Variants in SUZ12 observed in about 807,000 individuals in gnomAD.
SUZ12 encodes SUZ12 polycomb repressive complex 2 subunit, also known as polycomb protein SUZ12.
In SUZ12, 17 loss-of-function variants were observed where a neutral mutation model predicts 87.3. The ratio of observed to expected loss-of-function variants is 0.19; its 90% CI spans 0.13 to 0.29. SUZ12 has a LOEUF of 0.29. Ranked by LOEUF, SUZ12 falls within the 10% of genes least tolerant of loss-of-function variation. The pLI is 1.00. For synonymous variants in SUZ12, 253 were observed against 312.4 expected (o/e 0.81, Z 2.01); for missense variants, 526 against 912.2 (o/e 0.58, Z 5.45).
Position 31,999,363 on chromosome 17 carries a change from A to G in SUZ12, c.*360A>G. ...TGAACGGCTGTTTTTCTACTTTGTAATTGTGAGACATTTTCTTGGGGAGGG... is the reference window on the plus strand; with the variant it reads ...TGAACGGCTGTTTTTCTACTTTGTAGTTGTGAGACATTTTCTTGGGGAGGG... On this transcript the variant is annotated 3_prime_UTR_variant, in exon 16 of 16. Coordinates refer to ENST00000322652, the MANE Select transcript of SUZ12 (RefSeq NM_015355.4). 1 of 234,338 alleles carries G rather than the reference A, an allele frequency of 4.3e-6. No homozygotes were observed. The highest frequency in any genetic ancestry group is 8.4e-6 in the Non-Finnish European group (1 of 119,074). 14.5% of individuals were successfully genotyped at this position (234,338 alleles called of 1,614,324 possible). A position where few individuals can be genotyped will look rare whatever the true frequency, so the allele number is the denominator to read the frequency against.
intron 9 of SUZ12, among the ~76,000 whole-genome samples, chr17:31,987,066 T>G (rs900970634): frequency 1.8e-5 from 2 of 110,650 alleles, no homozygotes; most frequent in Non-Finnish European, 4.0e-5. Context: ...TGTTTTTTTG[T>G]TTTTTTGTGA....
At chr17:31,967,365 T>A (rs1218446466) in intron 5 of SUZ12, 1 of 150,688 alleles carries the variant, frequency 6.6e-6, no homozygotes. Context: ...TGAGTCCTGG[T>A]GGGCCGGGCA....
At chr17:31,980,429 C>CTTTTTTTTTTTTTTTTTTTTTT (rs58491591) in intron 8 of SUZ12, among the ~76,000 whole-genome samples, 1 of 53,834 alleles carries the variant, frequency 1.9e-5, no homozygotes, top group Non-Finnish European at 3.3e-5. Flanking sequence ...TCACCTTCTC[C>CTTTTTTTTTTTTTTTTTTTTTT]TTTTTTTTTT....
At chr17:31,981,125 A>G (rs1299886483) in intron 8 of SUZ12, among the ~76,000 whole-genome samples, 2 of 152,228 alleles carry the variant, frequency 1.3e-5, no homozygotes, top group Non-Finnish European at 2.9e-5. Context: ...AATAAAAATC[A>G]AAAACTTCTT....
intron 4 of SUZ12, among the ~76,000 whole-genome samples, chr17:31,947,969 G>T (rs1906730359): frequency 6.6e-6 from 1 of 151,960 alleles, no homozygotes. Context: ...TTCTGCCGTT[G>T]GTCTTAACTC....
At chr17:31,975,066 C>T (rs1908665107) in intron 6 of SUZ12, among the ~76,000 whole-genome samples, 1 of 151,872 alleles carries the variant, frequency 6.6e-6, no homozygotes, top group Non-Finnish European at 1.5e-5. Context: ...TCCTATTAGT[C>T]ACTGTCATGT....
chr17:31,983,236 A>G (rs1909212698), intron 9 of SUZ12, 132 bp downstream of exon 9: 1 of 822,826 alleles, frequency 1.2e-6, no homozygotes, highest in South Asian at 1.9e-5. Context: ...AAACACAAGT[A>G]AATGATCTAG....
chr17:31,998,106 GTCTC>G (rs937859425), intron 15 of SUZ12, among the ~76,000 whole-genome samples: 1 of 147,698 alleles, frequency 6.8e-6, no homozygotes. Flanking sequence ...TTGAGACGGA[GTCTC>G]TCTCTCTCGT....
chr17:31,990,388 G>T (rs1909661275), intron 10 of SUZ12, among the ~76,000 whole-genome samples: 1 of 150,050 alleles, frequency 6.7e-6, no homozygotes, highest in Non-Finnish European at 1.5e-5. Context: ...GAGAATTACA[G>T]GTGTGAGCCA....
chr17:31,999,444 C>T lies in SUZ12; in HGVS notation c.*441C>T, dbSNP rs946334817. On this transcript the variant is annotated 3_prime_UTR_variant, in exon 16 of 16. Coordinates refer to ENST00000322652, the MANE Select transcript of SUZ12 (RefSeq NM_015355.4). ...TGAAGTGGTCTTCATATGTCAACTACAGAAAAGGAAAAAAATAGAAATTGA... is the reference window on the plus strand; with the variant it reads ...TGAAGTGGTCTTCATATGTCAACTATAGAAAAGGAAAAAAATAGAAATTGA... The T allele has an allele frequency of 1.3e-5, 3 of 231,308 alleles. No homozygotes were observed. Among genetic ancestry groups the T allele is most frequent in the African/African-American group, 6.6e-5 (3 of 45,154 alleles). 14.3% of individuals were successfully genotyped at this position (231,308 alleles called of 1,614,324 possible). A position where few individuals can be genotyped will look rare whatever the true frequency, so the allele number is the denominator to read the frequency against.
intron 4 of SUZ12, among the ~76,000 whole-genome samples, chr17:31,960,581 ATTAT>A (rs571205122): frequency 2.8e-4 from 42 of 148,600 alleles, no homozygotes; most frequent in African/African-American, 7.4e-4. Context: ...ACCTTTATTT[ATTAT>A]TTATTTATTT....
chr17:31,995,266 ATG>A (rs1212083994), intron 13 of SUZ12, among the ~76,000 whole-genome samples: 1 of 152,204 alleles, frequency 6.6e-6, no homozygotes, highest in African/African-American at 2.4e-5. Flanking sequence ...AGGATTTTAT[ATG>A]CATATTCCTA....
chr17:31,964,969 C>T (rs1375017893), intron 4 of SUZ12, among the ~76,000 whole-genome samples: 2 of 151,600 alleles, frequency 1.3e-5, no homozygotes, highest in Non-Finnish European at 2.9e-5. Flanking sequence ...GCGAGAAGAG[C>T]GAAACTTCAT....
chr17:31,956,518 T>C (rs945164470), intron 4 of SUZ12, among the ~76,000 whole-genome samples: 12 of 152,120 alleles, frequency 7.9e-5, no homozygotes, highest in African/African-American at 2.7e-4. Flanking sequence ...TTATTGTTTC[T>C]GCATTGTTCT....
chr17:31,975,566 A>C lies in SUZ12; in HGVS notation c.676A>C (p.Asn226His). Residue 226 changes from asparagine (N) to histidine (H), a missense_variant, in exon 7 of 16, where the codon AAT becomes CAT. This residue lies in a region of SUZ12 where 73 missense variants were observed against 133.8 expected (regional missense o/e 0.55). Coordinates refer to ENST00000322652, the MANE Select transcript of SUZ12 (RefSeq NM_015355.4). ...NPDLNQTKPG[N>H]FPSLAVSSNE... ...TGACCTCAATCAAACAAAACCCGGA[A>C]ATTTCCCGTCCCTTGCAGTTTCCAG... 1 of 1,613,926 alleles carries C rather than the reference A, an allele frequency of 6.2e-7. No individual in the cohort carries two copies. The highest frequency in any genetic ancestry group is 1.1e-5 in the South Asian group (1 of 91,076).
At chr17:31,994,061 C>A in intron 12 of SUZ12, 53 bp downstream of exon 12, 1 of 1,551,354 alleles carries the variant, frequency 6.4e-7, no homozygotes, top group Non-Finnish European at 8.7e-7. Flanking sequence ...TCTTGTACCC[C>A]ATAAATATAT....
intron 4 of SUZ12, among the ~76,000 whole-genome samples, chr17:31,959,448 C>A (rs922007730): frequency 6.6e-6 from 1 of 152,136 alleles, no homozygotes; most frequent in Non-Finnish European, 1.5e-5. Flanking sequence ...TTAGAAAGTG[C>A]GTCTAACCCC....
intron 5 of SUZ12, chr17:31,966,502 A>T (rs1358802315): frequency 1.8e-5 from 4 of 227,934 alleles, no homozygotes; most frequent in Non-Finnish European, 3.4e-5. Flanking sequence ...CACGTGCCCC[A>T]TGCCTGGCTA....
chr17:31,944,922 G>A (rs1440193007), intron 3 of SUZ12, among the ~76,000 whole-genome samples: 1 of 152,060 alleles, frequency 6.6e-6, no homozygotes, highest in Non-Finnish European at 1.5e-5. Flanking sequence ...TAAAAAATTA[G>A]CTGGGCGTGG....
Sources: gnomAD v4.1 joint callset for allele counts (sites outside exome capture counted in the v4.1 genomes callset) on GRCh38, gnomAD v4.1.1 for gene constraint, gnomAD v4.1.1 regional missense constraint, MANE v1.5 for transcripts, NCBI Gene and HGNC (gene_info 2026-07-23, HGNC 2026-07-21) for gene names.